The following RBFOX1 variants were observed in gnomAD, a reference collection of about 807,000 sequenced individuals.
The protein encoded by RBFOX1 is RNA binding fox-1 homolog 1, also known as RNA binding protein fox-1 homolog 1.
In RBFOX1, 8 loss-of-function variants were observed where a neutral mutation model predicts 57.7. The observed-to-expected ratio is 0.14, with a 90% CI of 0.08 to 0.25. The LOEUF (loss-of-function observed/expected upper bound fraction) is 0.25, where lower values mean the gene tolerates loss of function less well. Among genes scored for constraint, RBFOX1 ranks in the 10% least tolerant of loss-of-function variants. The pLI is 1.00. For missense variants in RBFOX1, 611 were observed against 548.5 expected (o/e 1.11, Z -1.14); for synonymous variants, 326 against 222.4 (o/e 1.47, Z -4.15).
intron 4 of RBFOX1, among the ~76,000 whole-genome samples, chr16:7,508,523 G>C (rs548030006): frequency 2.6e-5 from 4 of 152,100 alleles, no homozygotes; most frequent in African/African-American, 9.7e-5. Context: ...AGAGAGGGGA[G>C]CTGACACATC....
intron 1 of RBFOX1, among the ~76,000 whole-genome samples, chr16:5,463,914 C>T (rs1459918632): frequency 1.3e-5 from 2 of 152,110 alleles, no homozygotes; most frequent in African/African-American, 4.8e-5. Context: ...TGCTTTCAGC[C>T]AAATTGTGTT....
At chr16:5,894,193 C>G (rs542283114) in intron 4 of RBFOX1, among the ~76,000 whole-genome samples, 1 of 152,224 alleles carries the variant, frequency 6.6e-6, no homozygotes, top group African/African-American at 2.4e-5. Context: ...TCACACCACT[C>G]TGTTTCTTTT....
At chr16:6,413,915 C>T (rs2093547539) in intron 2 of RBFOX1, among the ~76,000 whole-genome samples, 2 of 152,116 alleles carry the variant, frequency 1.3e-5, no homozygotes, top group South Asian at 2.1e-4. Context: ...TTGATGGGGA[C>T]CTGCATTTTA....
At chr16:5,276,969 C>T (rs1366415620) in intron 1 of RBFOX1, among the ~76,000 whole-genome samples, 5 of 152,048 alleles carry the variant, frequency 3.3e-5, no homozygotes, top group African/African-American at 7.2e-5. Flanking sequence ...AGGAAGTCAT[C>T]GTATGAAAAA....
At chr16:6,583,162 A>G (rs1008850115) in intron 2 of RBFOX1, among the ~76,000 whole-genome samples, 10 of 152,162 alleles carry the variant, frequency 6.6e-5, no homozygotes, top group Admixed American at 1.3e-4. Context: ...TAGAGATCTC[A>G]TTTCTTGGTT....
intron 2 of RBFOX1, among the ~76,000 whole-genome samples, chr16:6,513,686 A>G (rs952257803): frequency 2.6e-5 from 4 of 152,170 alleles, no homozygotes; most frequent in Non-Finnish European, 4.4e-5. Context: ...GTGAGCCGAA[A>G]TCGCACCATT....
chr16:7,240,252 C>A (rs1338104637), intron 4 of RBFOX1, among the ~76,000 whole-genome samples: 15 of 152,124 alleles, frequency 9.9e-5, no homozygotes. Flanking sequence ...CAGGTATGAG[C>A]CGATGCATCC....
At chr16:6,740,333 C>G (rs995950525) in intron 3 of RBFOX1, among the ~76,000 whole-genome samples, 1 of 152,048 alleles carries the variant, frequency 6.6e-6, no homozygotes, top group South Asian at 2.1e-4. Context: ...GAATGATTTC[C>G]CCTTAAATAC....
chr16:7,197,994 C>CTTTA (rs1243993146), intron 4 of RBFOX1, among the ~76,000 whole-genome samples: 5 of 85,266 alleles, frequency 5.9e-5, no homozygotes, highest in Admixed American at 2.2e-4. Flanking sequence ...GGTTTTCTTT[C>CTTTA]TTTCTTTTTT....
intron 3 of RBFOX1, among the ~76,000 whole-genome samples, chr16:6,929,438 C>T (rs543204615): frequency 6.6e-6 from 1 of 152,102 alleles, no homozygotes; most frequent in African/African-American, 2.4e-5. Context: ...CAGCAGTTCC[C>T]TGGTATATAT....
intron 3 of RBFOX1, among the ~76,000 whole-genome samples, chr16:6,953,617 C>G (rs1048990226): frequency 6.6e-6 from 1 of 152,164 alleles, no homozygotes; most frequent in African/African-American, 2.4e-5. Context: ...AAACTGCTGA[C>G]TTGAAGTGAT....
At chr16:7,413,609 C>T (rs1378754301) in intron 4 of RBFOX1, among the ~76,000 whole-genome samples, 1 of 152,052 alleles carries the variant, frequency 6.6e-6, no homozygotes, top group African/African-American at 2.4e-5. Context: ...CCTGCCTGCC[C>T]CTTTGCTTGT....
chr16:7,144,357 G>A (rs1204351879), intron 4 of RBFOX1, among the ~76,000 whole-genome samples: 5 of 150,086 alleles, frequency 3.3e-5, no homozygotes, highest in African/African-American at 1.2e-4. Flanking sequence ...ACCCATCCTT[G>A]GACACTATCC....
chr16:5,241,786 G>A (rs1244843121), intron 1 of RBFOX1, among the ~76,000 whole-genome samples: 1 of 152,140 alleles, frequency 6.6e-6, no homozygotes, highest in African/African-American at 2.4e-5. Flanking sequence ...GTGATGTTTT[G>A]TTCTGGGGTG....
At chr16:6,855,399 C>A (rs966774369) in intron 3 of RBFOX1, among the ~76,000 whole-genome samples, 2 of 152,130 alleles carry the variant, frequency 1.3e-5, no homozygotes, top group South Asian at 4.2e-4. Flanking sequence ...CGCCTGTAAT[C>A]CCAGCACTTT....
chr16:6,777,889 C>A (rs1386599237), intron 3 of RBFOX1, among the ~76,000 whole-genome samples: 2 of 152,140 alleles, frequency 1.3e-5, no homozygotes, highest in Admixed American at 1.3e-4. Context: ...AAGCTGACTT[C>A]CATCCATATT....
At position 6,348,858 on chromosome 16, in the gene RBFOX1, G is replaced by T. The variant is rs573733840; in HGVS notation, c.-64+31801G>T. 1.4e-4 allele frequency among the ~76,000 whole-genome samples: 21 copies of T among 152,242 alleles called. No homozygotes were observed. The South Asian group carries it at 4.4e-3, about 32-fold the overall frequency. ...CAACTGAACGTGAGATTTGGACGGA[G>T]ACACAGATCCAAACCATATCAGATG... is the stretch of plus-strand genomic sequence containing the variant. On this transcript the variant is annotated intron_variant, in intron 2 of 15. Coordinates refer to ENST00000550418, the MANE Select transcript of RBFOX1 (RefSeq NM_018723.4).
At chr16:7,425,370 G>A (rs917698210) in intron 4 of RBFOX1, among the ~76,000 whole-genome samples, 1 of 152,114 alleles carries the variant, frequency 6.6e-6, no homozygotes, top group African/African-American at 2.4e-5. Flanking sequence ...CCTTCTCCAC[G>A]TCTTCATTGC....
chr16:6,560,789 C>T (rs145010473), intron 2 of RBFOX1, among the ~76,000 whole-genome samples: 47 of 152,260 alleles, frequency 3.1e-4, no homozygotes, highest in African/African-American at 1.1e-3. Context: ...AGACTGTAGG[C>T]CCTAAGAGGG....
Sources: gnomAD v4.1 joint callset for allele counts (sites outside exome capture counted in the v4.1 genomes callset) on GRCh38, gnomAD v4.1.1 for gene constraint, MANE v1.5 for transcripts, NCBI Gene and HGNC (gene_info 2026-07-23, HGNC 2026-07-21) for gene names.